PPFIBP2: variants seen among roughly 807,000 people sequenced by gnomAD.
The protein encoded by PPFIBP2 is liprin-beta-2.
Under a neutral mutation model 118.3 loss-of-function variants are expected in PPFIBP2, and 118 were observed. The observed-to-expected ratio is 1.00, with a 90% confidence interval of 0.86 to 1.16. PPFIBP2 has a LOEUF of 1.16. PPFIBP2 is among the 50% of genes most tolerant of loss of function. PPFIBP2 has a pLI of 0.00. For synonymous variants in PPFIBP2, 414 were observed against 397.4 expected (o/e 1.04, Z -0.50); for missense variants, 1,195 against 1,073.1 (o/e 1.11, Z -1.59).
At chr11:7,625,955 G>A in intron 8 of PPFIBP2, 64 bp downstream of exon 8, 1 of 1,337,586 alleles carries the variant, frequency 7.5e-7, no homozygotes, top group South Asian at 1.2e-5. Context: ...TTATAAGTGA[G>A]CATGTGTTTC....
downstream of PPFIBP2, among the ~76,000 whole-genome samples, chr11:7,655,687 T>A (rs1274430671): frequency 6.6e-6 from 1 of 152,048 alleles, no homozygotes; most frequent in African/African-American, 2.4e-5. Context: ...TGTTGGCCTG[T>A]TACTGGACCT....
At chr11:7,550,248 C>A (rs933949181) in intron 2 of PPFIBP2, among the ~76,000 whole-genome samples, 1 of 152,236 alleles carries the variant, frequency 6.6e-6, no homozygotes, top group African/African-American at 2.4e-5. Context: ...TTACCTGATA[C>A]ACTTCAGTGG....
intron 3 of PPFIBP2, among the ~76,000 whole-genome samples, chr11:7,583,139 T>C (rs1857525539): frequency 6.6e-6 from 1 of 152,242 alleles, no homozygotes; most frequent in Admixed American, 6.5e-5. Flanking sequence ...ACTTTGTTCC[T>C]ATAGTCATCT....
chr11:7,656,636 C>T (rs1854715472), downstream of PPFIBP2: 1 of 919,034 alleles, frequency 1.1e-6, no homozygotes, highest in South Asian at 1.4e-5. Context: ...ATGCAGCCCT[C>T]ACCCAGTGCC....
At chr11:7,559,429 G>C (rs1854045184) in intron 2 of PPFIBP2, among the ~76,000 whole-genome samples, 1 of 152,130 alleles carries the variant, frequency 6.6e-6, no homozygotes, top group South Asian at 2.1e-4. Context: ...GGGAGATTTT[G>C]CAATTGCTAA....
At chr11:7,540,855 G>A (rs543905648) in intron 1 of PPFIBP2, among the ~76,000 whole-genome samples, 87 of 152,186 alleles carry the variant, frequency 5.7e-4, no homozygotes, top group Non-Finnish European at 1.1e-3. Context: ...AATTTAGCAG[G>A]GACAGCTGTA....
intron 6 of PPFIBP2, among the ~76,000 whole-genome samples, chr11:7,615,419 A>G (rs569054306): frequency 6.6e-6 from 1 of 152,280 alleles, no homozygotes; most frequent in South Asian, 2.1e-4. Flanking sequence ...ATGACAACAC[A>G]TGGCTCAGGA....
chr11:7,603,296 G>C (rs1846900713), intron 5 of PPFIBP2, among the ~76,000 whole-genome samples: 1 of 152,182 alleles, frequency 6.6e-6, no homozygotes, highest in South Asian at 2.1e-4. Flanking sequence ...ACAGGGCAAA[G>C]TAGATACTTT....
chr11:7,515,908 A>G (rs1849188511), intron 1 of PPFIBP2, among the ~76,000 whole-genome samples: 1 of 152,200 alleles, frequency 6.6e-6, no homozygotes, highest in South Asian at 2.1e-4. Context: ...AAAGTTGAGA[A>G]TCCTGTGGGG....
intron 3 of PPFIBP2, among the ~76,000 whole-genome samples, chr11:7,582,215 G>A (rs780435781): frequency 6.6e-6 from 1 of 152,130 alleles, no homozygotes; most frequent in Non-Finnish European, 1.5e-5. Context: ...GATCAGAACT[G>A]ACAACCTCTG....
At chr11:7,579,360 G>A (rs1418642119) in intron 3 of PPFIBP2, among the ~76,000 whole-genome samples, 3 of 152,110 alleles carry the variant, frequency 2.0e-5, no homozygotes, top group African/African-American at 7.2e-5. Flanking sequence ...TCCTGTCTGT[G>A]CCCAGCCCCT....
intron 6 of PPFIBP2, among the ~76,000 whole-genome samples, chr11:7,611,207 C>G (rs1848033674): frequency 1.3e-5 from 2 of 152,228 alleles, no homozygotes; most frequent in Non-Finnish European, 2.9e-5. Context: ...AAGCTGGCTA[C>G]TTAATCTTTC....
In PPFIBP2 at chr11:7,641,425, G is replaced by T. The variant is rs535152014; in HGVS notation, c.1376-54G>T. On this transcript the variant is annotated intron_variant, in intron 15 of 23. Transcript: ENST00000299492. ...GGAGGGCCCAGGCTTGGGGAAGAAG[G>T]GTTCCAGGGGTCACATCCTTACATT... 18 of 1,591,720 alleles carry T rather than the reference G, an allele frequency of 1.1e-5. No homozygotes were observed. In the East Asian group the frequency reaches 3.6e-4, roughly 32 times the overall value.
At chr11:7,646,036 C>T (rs7131087) in intron 17 of PPFIBP2, among the ~76,000 whole-genome samples, 85,318 of 152,086 alleles carry the variant, frequency 0.56, 24,654 homozygotes, top group Non-Finnish European at 0.6. Flanking sequence ...ATCCAGATCA[C>T]ACCAAAAGCA....
At chr11:7,555,620 A>G (rs28613020) in intron 2 of PPFIBP2, among the ~76,000 whole-genome samples, 2,438 of 152,294 alleles carry the variant, frequency 0.016, 87 homozygotes, top group African/African-American at 0.056. Flanking sequence ...TTTGTTCAGA[A>G]GAGTTGGAGT....
chr11:7,581,837 A>AT (rs1427392253), intron 3 of PPFIBP2, among the ~76,000 whole-genome samples: 2 of 150,998 alleles, frequency 1.3e-5, no homozygotes, highest in African/African-American at 4.9e-5. Context: ...AGATAGATAG[A>AT]TAGATTTTTT....
intron 23 of PPFIBP2, among the ~76,000 whole-genome samples, 174 bp downstream of exon 23, chr11:7,652,018 C>A (rs897519898): frequency 1.3e-5 from 2 of 152,248 alleles, no homozygotes; most frequent in African/African-American, 4.8e-5. Context: ...TAAGCCAGTT[C>A]TCCACCAGTT....
At position 7,593,055 on chromosome 11, in the gene PPFIBP2, T is replaced by A. The variant is rs1859634309; in HGVS notation, c.280-77T>A. On this transcript the variant is annotated intron_variant, in intron 3 of 23. Coordinates refer to ENST00000299492, the MANE Select transcript of PPFIBP2 (RefSeq NM_003621.5). ...AAACTATCCTCACAAATTACATGCA[T>A]CCCTTATTTCATTTAGAAGTTGGTA... 3 of 1,568,190 alleles carry A rather than the reference T, an allele frequency of 1.9e-6. No individual in the cohort carries two copies. The South Asian group carries it at 3.6e-5, about 19-fold the overall frequency.
At chr11:7,578,541 AG>A (rs1856792445) in intron 3 of PPFIBP2, among the ~76,000 whole-genome samples, 1 of 152,186 alleles carries the variant, frequency 6.6e-6, no homozygotes, top group South Asian at 2.1e-4. Flanking sequence ...ATCTGTACTG[AG>A]TTTGGGTACT....
Sources: gnomAD v4.1 joint callset for allele counts (sites outside exome capture counted in the v4.1 genomes callset) on GRCh38, gnomAD v4.1.1 for gene constraint, MANE v1.5 for transcripts, NCBI Gene and HGNC (gene_info 2026-07-23, HGNC 2026-07-21) for gene names.